The following PPP3CC variants were observed in gnomAD, a reference collection of about 807,000 sequenced individuals.
PPP3CC encodes the protein serine/threonine-protein phosphatase 2B catalytic subunit gamma isoform.
PPP3CC carries 35 observed loss-of-function variants against 60.3 expected under a neutral mutation model. That is an observed-to-expected ratio of 0.58 (90% confidence interval 0.44 to 0.77). The LOEUF is 0.77. Ranked by LOEUF, PPP3CC falls within the 30% of genes least tolerant of loss-of-function variation. The probability of loss-of-function intolerance (pLI) is 0.00; values close to 1 mark genes in which losing one functional copy is unlikely to be tolerated. For missense variants in PPP3CC, 570 were observed against 628.9 expected, an observed-to-expected ratio of 0.91 and a Z score of 1.00; for synonymous variants, 206 against 224.3, an observed-to-expected ratio of 0.92 and a Z score of 0.73.
chr8:22,508,130 C>CT (rs1838979517), intron 4 of PPP3CC, among the ~76,000 whole-genome samples: 2 of 152,082 alleles, frequency 1.3e-5, no homozygotes, highest in African/African-American at 4.8e-5. Context: ...GTGGTGTGCG[C>CT]TTGTAGTCCC....
rs1406031505 is a variant in PPP3CC, at chr8:22,455,487, GT to G, written c.49+14036del. 4.6e-5 allele frequency among the ~76,000 whole-genome samples: 7 copies of G among 152,224 alleles called. 1 individual carries two copies. Among genetic ancestry groups the G allele is most frequent in the South Asian group, 2.1e-4 (1 of 4,824 alleles). ...TTTTTTTATGTGTGTGCCTACGTAT[GT>G]TTTTTTCTTGTGACCTAAGGCTTTG... On this transcript the variant is annotated intron_variant, in intron 1 of 13. Coordinates refer to ENST00000240139, the MANE Select transcript of PPP3CC (RefSeq NM_005605.5).
At position 22,467,338 on chromosome 8, in the gene PPP3CC, C is replaced by T. The variant is rs1586802627; in HGVS notation, c.50-7616C>T. 7.2e-5 allele frequency among the ~76,000 whole-genome samples: 11 copies of T among 152,110 alleles called. No homozygotes were observed. In the South Asian group the frequency reaches 2.3e-3, roughly 32 times the overall value. ...TATTTGAATGAATTAATTGAGGATA[C>T]TTTTCGATCATAGTTTTTATGGTGA... On this transcript the variant is annotated intron_variant, in intron 1 of 13. Coordinates refer to ENST00000240139, the MANE Select transcript of PPP3CC (RefSeq NM_005605.5).
rs1839737688 is a variant in PPP3CC at position 22,532,306 on chromosome 8, G to GGTAAGGATGTCTGTCATTACA, written c.1223+3_1223+23dup. ...ATGGCACGGGTCTTTTCAATTCTTC[G>GGTAAGGATGTCTGTCATTACA]GTAAGGATGTCTGTCATTACAGTGC... On this transcript the variant is annotated stop_gained and inframe_insertion and splice_region_variant. Transcript: ENST00000240139. LOFTEE classifies it high-confidence loss of function. 6.2e-7 allele frequency: 1 copy of GGTAAGGATGTCTGTCATTACA among 1,606,816 alleles called. No homozygotes were observed. The highest frequency in any genetic ancestry group is 1.3e-5 in the African/African-American group (1 of 74,710).
intron 3 of PPP3CC, among the ~76,000 whole-genome samples, chr8:22,497,706 C>T (rs146055997): frequency 6.6e-6 from 1 of 151,830 alleles, no homozygotes. Context: ...GTGAAAATGC[C>T]GTTAGTGTTT....
intron 4 of PPP3CC, among the ~76,000 whole-genome samples, chr8:22,509,923 C>T (rs550164459): frequency 4.4e-4 from 67 of 152,000 alleles, no homozygotes; most frequent in African/African-American, 1.3e-3. Context: ...CAGTGGCTCA[C>T]GCCTGTAATC....
At chr8:22,477,020 A>T (rs191806371) in intron 3 of PPP3CC, among the ~76,000 whole-genome samples, 189 of 152,162 alleles carry the variant, frequency 1.2e-3, no homozygotes, top group Non-Finnish European at 2.3e-3. Flanking sequence ...AAAGGTATAA[A>T]CTGACAAAAT....
intron 6 of PPP3CC, among the ~76,000 whole-genome samples, chr8:22,515,622 C>T (rs1396378468): frequency 6.6e-6 from 1 of 152,196 alleles, no homozygotes; most frequent in East Asian, 1.9e-4. Flanking sequence ...GACATCCTCA[C>T]CAGCATTTGT....
chr8:22,465,209 G>GC (rs1408843244), intron 1 of PPP3CC, among the ~76,000 whole-genome samples: 1 of 151,948 alleles, frequency 6.6e-6, no homozygotes, highest in Non-Finnish European at 1.5e-5. Context: ...ATTCTGCCTG[G>GC]CTCAGCCTGC....
chr8:22,529,475 T>C (rs1321668627), intron 10 of PPP3CC, among the ~76,000 whole-genome samples: 1 of 152,176 alleles, frequency 6.6e-6, no homozygotes, highest in African/African-American at 2.4e-5. Context: ...TTGTGACTTG[T>C]CAATTCATAT....
chr8:22,491,694 G>GT (rs1838410944), intron 3 of PPP3CC, among the ~76,000 whole-genome samples: 1 of 151,878 alleles, frequency 6.6e-6, no homozygotes, highest in South Asian at 2.1e-4. Flanking sequence ...GAAGTAGTAT[G>GT]TTTTTTCTTT....
chr8:22,486,886 C>G (rs538412804), intron 3 of PPP3CC, among the ~76,000 whole-genome samples: 1 of 151,864 alleles, frequency 6.6e-6, no homozygotes, highest in Non-Finnish European at 1.5e-5. Context: ...CCCACCACCA[C>G]GCCTGGCTAA....
At chr8:22,479,003 A>G (rs1348167845) in intron 3 of PPP3CC, among the ~76,000 whole-genome samples, 1 of 152,220 alleles carries the variant, frequency 6.6e-6, no homozygotes, top group East Asian at 1.9e-4. Context: ...ATTTTATACC[A>G]GTGTTAAAAC....
intron 3 of PPP3CC, among the ~76,000 whole-genome samples, chr8:22,480,423 T>TA (rs1300667533): frequency 6.6e-6 from 1 of 152,228 alleles, no homozygotes; most frequent in Non-Finnish European, 1.5e-5. Context: ...AGATGAGAGA[T>TA]ATAGATCTTT....
intron 4 of PPP3CC, among the ~76,000 whole-genome samples, chr8:22,510,558 G>C (rs1839057055): frequency 5.9e-5 from 9 of 152,034 alleles, no homozygotes; most frequent in Admixed American, 5.2e-4. Flanking sequence ...GGCAGCACTG[G>C]GCATTCCTTT....
At chr8:22,510,451 TA>T (rs1339167243) in intron 4 of PPP3CC, among the ~76,000 whole-genome samples, 1 of 152,182 alleles carries the variant, frequency 6.6e-6, no homozygotes, top group Non-Finnish European at 1.5e-5. Flanking sequence ...TCAACACCCC[TA>T]AGAGATCTTT....
chr8:22,472,341 T>C (rs1037466275), intron 1 of PPP3CC, among the ~76,000 whole-genome samples: 1 of 143,450 alleles, frequency 7.0e-6, no homozygotes, highest in South Asian at 2.2e-4. Flanking sequence ...TTTTTAACTT[T>C]TAGAATATTT....
intron 4 of PPP3CC, among the ~76,000 whole-genome samples, chr8:22,499,084 A>T (rs914756334): frequency 6.6e-6 from 1 of 150,422 alleles, no homozygotes; most frequent in Non-Finnish European, 1.5e-5. Context: ...CTGCCACTGT[A>T]CTCCAGCCTG....
chr8:22,481,344 TAAATAATAA>T (rs1563719482), intron 3 of PPP3CC, among the ~76,000 whole-genome samples: 3 of 80,034 alleles, frequency 3.7e-5, no homozygotes, highest in Admixed American at 1.3e-4. Context: ...TCAAGAAAAA[TAAATAATAA>T]TAATAATAAT....
At position 22,474,952 on chromosome 8, in the gene PPP3CC, A is replaced by G; in HGVS notation, c.50-2A>G. Reference sequence around the variant, plus strand: ...TAAATTATTATTATTATTTTTTTGTAGCTGTCCCCTTTCCTCCAACCCAAC... The same window carrying G: ...TAAATTATTATTATTATTTTTTTGTGGCTGTCCCCTTTCCTCCAACCCAAC... On this transcript the variant is annotated splice_acceptor_variant, in intron 1 of 13. Coordinates refer to ENST00000240139, the MANE Select transcript of PPP3CC (RefSeq NM_005605.5). LOFTEE classifies it high-confidence loss of function. 1 of 1,517,880 alleles carries G rather than the reference A, an allele frequency of 6.6e-7. No individual in the cohort carries two copies. The highest frequency in any genetic ancestry group is 2.3e-5 in the East Asian group (1 of 43,454). 94.0% of individuals were successfully genotyped at this position (1,517,880 alleles called of 1,614,324 possible).
Sources: gnomAD v4.1 joint callset for allele counts (sites outside exome capture counted in the v4.1 genomes callset) on GRCh38, gnomAD v4.1.1 for gene constraint, MANE v1.5 for transcripts, NCBI Gene and HGNC (gene_info 2026-07-23, HGNC 2026-07-21) for gene names.